Variants in SH2D3A observed in about 807,000 individuals in gnomAD.
The protein encoded by SH2D3A is SH2 domain containing 3A.
SH2D3A carries 46 observed loss-of-function variants against 50.6 expected under a neutral mutation model. That is an observed-to-expected ratio of 0.91 (90% CI 0.72 to 1.16). SH2D3A has a LOEUF of 1.16. Ranked by LOEUF, SH2D3A falls within the 50% of genes most tolerant of loss-of-function variation. The pLI is 0.00. For missense variants in SH2D3A, 783 were observed against 786.2 expected (o/e 1.00, Z 0.05); for synonymous variants, 377 against 348.4 (o/e 1.08, Z -0.91).
chr19:6,760,322 GC>G, intron 3 of SH2D3A, among the ~76,000 whole-genome samples: 1 of 152,328 alleles, frequency 6.6e-6, no homozygotes, highest in African/African-American at 2.4e-5. Context: ...GTTGCAGTGG[GC>G]TGAGATCGTG....
rs1470011605 is a variant in SH2D3A at position 6,755,161 on chromosome 19, G to C, written c.651C>G (p.Pro217=). The change falls in exon 5 of 10, where the codon CCC becomes CCG. Residue 217 remains proline, a synonymous_variant. Transcript: ENST00000245908. ...AKAPTKPPRT[P]SFELPDASER... ...CAGAGGCATCAGGCAGTTCGAAGGA[G>C]GGTGTCCGGGGGGGCTTCGTTGGTG... is the stretch of plus-strand genomic sequence containing the variant. The C allele has an allele frequency of 6.2e-7, 1 of 1,605,424 alleles. No individual in the cohort carries two copies. The highest frequency in any genetic ancestry group is 1.3e-5 in the African/African-American group (1 of 74,624).
chr19:6,756,260 A>G lies in SH2D3A; in HGVS notation c.497-945T>C, dbSNP rs1281543564. 2.0e-5 allele frequency among the ~76,000 whole-genome samples: 3 copies of G among 148,534 alleles called. No individual in the cohort carries two copies. The East Asian group carries it at 5.8e-4, about 29-fold the overall frequency. On this transcript the variant is annotated intron_variant, in intron 4 of 9. Coordinates refer to ENST00000245908, the MANE Select transcript of SH2D3A (RefSeq NM_005490.3). ...CTACATATAATTACATTTATATATG[A>G]TAGATATTTTACTTTTTTTGTGATA...
At chr19:6,753,983 G>A (rs1318568263) in intron 8 of SH2D3A, 69 bp downstream of exon 8, 1 of 1,488,408 alleles carries the variant, frequency 6.7e-7, no homozygotes, top group African/African-American at 1.4e-5. Flanking sequence ...CTGGGCATAG[G>A]ACTAGATTGA....
At position 6,752,322 on chromosome 19, in the gene SH2D3A, T is replaced by C. The variant is rs140193062; in HGVS notation, c.*271A>G. On this transcript the variant is annotated 3_prime_UTR_variant, in exon 10 of 10. Coordinates refer to ENST00000245908, the MANE Select transcript of SH2D3A (RefSeq NM_005490.3). ...CTGAGCTGCTGTATGGCTATGATTT[T>C]GTTAAAGGCCGACACAGAGGTGAAG... 536 of 353,636 alleles carry C rather than the reference T, an allele frequency of 1.5e-3. 1 individual carries two copies. The highest frequency in any genetic ancestry group is 0.01 in the African/African-American group (494 of 47,804). 21.9% of individuals were successfully genotyped at this position (353,636 alleles called of 1,614,324 possible). A position where few individuals can be genotyped will look rare whatever the true frequency, so the allele number is the denominator to read the frequency against.
rs200324406 is a variant in SH2D3A at position 6,763,768 on chromosome 19, G to A, written c.-20C>T. The stretch of plus-strand genomic sequence containing the variant: ...CTGCATGGAGCTCTTGGGAACAGAG[G>A]GTGCCAGGGCTGAGCTCTGCACTTT... On this transcript the variant is annotated 5_prime_UTR_variant, in exon 2 of 10. Coordinates refer to ENST00000245908, the MANE Select transcript of SH2D3A (RefSeq NM_005490.3). 8 of 1,610,414 alleles carry A rather than the reference G, an allele frequency of 5.0e-6. No homozygotes were observed. The highest frequency in any genetic ancestry group is 1.7e-4 in the Middle Eastern group (1 of 6,008).
At chr19:6,767,045 CAGG>C (rs1451570263) in intron 1 of SH2D3A, among the ~76,000 whole-genome samples, 3 of 152,114 alleles carry the variant, frequency 2.0e-5, no homozygotes, top group South Asian at 2.1e-4. Context: ...TTGGAGAGAT[CAGG>C]AGGAGAGACT....
chr19:6,763,800 G>T lies in SH2D3A; in HGVS notation c.-52C>A. On this transcript the variant is annotated 5_prime_UTR_variant, in exon 2 of 10. Transcript: ENST00000245908. ...GGGCTGAGCTCTGCACTTTCAACAG[G>T]CCTCAGTCTTCCACATCTGTAAAAG... 6.7e-7 allele frequency: 1 copy of T among 1,486,092 alleles called. No individual in the cohort carries two copies. The highest frequency in any genetic ancestry group is 9.3e-7 in the Non-Finnish European group (1 of 1,072,774). The allele number at this position is 1,486,092 out of a possible 1,614,324, so 92.1% of individuals were successfully genotyped here. A position where few individuals can be genotyped will look rare whatever the true frequency, so the allele number is the denominator to read the frequency against.
intron 4 of SH2D3A, chr19:6,757,245 T>C (rs1568265513): frequency 6.7e-6 from 1 of 148,986 alleles, no homozygotes; most frequent in Non-Finnish European, 1.5e-5. Flanking sequence ...ATTCTGCACG[T>C]GTATCTTTTT....
chr19:6,760,082 T>TA (rs1969920966), intron 3 of SH2D3A, among the ~76,000 whole-genome samples: 1 of 149,800 alleles, frequency 6.7e-6, no homozygotes, highest in Non-Finnish European at 1.5e-5. Flanking sequence ...CTACTAAAAA[T>TA]ACAAAAAATT....
Position 6,754,383 on chromosome 19 carries a change from G to A in SH2D3A, c.1140C>T (p.Gly380=). Residue 380 remains glycine (G), a synonymous_variant, in exon 7 of 10, where the codon GGC becomes GGT. Coordinates refer to ENST00000245908, the MANE Select transcript of SH2D3A (RefSeq NM_005490.3). Reference sequence around the variant, plus strand: ...CGCGCTCCTCCAGCGGCCCCGAGCAGCCCAGCACCGCCAGCGCCCCGGCCA... The same window carrying A: ...CGCGCTCCTCCAGCGGCCCCGAGCAACCCAGCACCGCCAGCGCCCCGGCCA... ...LALAGALAVL[G]CSGPLEERAA... is the part of the protein sequence containing the mutation. The A allele has an allele frequency of 5.9e-6, 9 of 1,537,578 alleles. No individual in the cohort carries two copies. The highest frequency in any genetic ancestry group is 7.8e-6 in the Non-Finnish European group (9 of 1,152,954).
chr19:6,754,270 C>T lies in SH2D3A; in HGVS notation c.1253G>A (p.Gly418Asp). 1 of 1,594,500 alleles carries T rather than the reference C, an allele frequency of 6.3e-7. No individual in the cohort carries two copies. Among genetic ancestry groups the T allele is most frequent in the Non-Finnish European group, 8.5e-7 (1 of 1,176,264 alleles). The change falls in exon 7 of 10, where the codon GGC becomes GAC. Residue 418 changes from glycine to aspartate, a missense_variant. By Grantham distance (94) the Gly-to-Asp change is moderately conservative (BLOSUM62 -1). Coordinates refer to ENST00000245908, the MANE Select transcript of SH2D3A (RefSeq NM_005490.3). ...GDLPGLAAVMGALLMPQVSRL... is the reference protein window; with the variant it reads ...GDLPGLAAVMDALLMPQVSRL... Reference sequence around the variant, plus strand: ...ACGAACCTGGGGCATGAGCAGGGCGCCCATGACTGCAGCCAGCCCGGGCAG... The same window carrying T: ...ACGAACCTGGGGCATGAGCAGGGCGTCCATGACTGCAGCCAGCCCGGGCAG...
intron 1 of SH2D3A, among the ~76,000 whole-genome samples, chr19:6,764,832 A>C (rs1167625870): frequency 6.7e-6 from 1 of 148,264 alleles, no homozygotes; most frequent in Non-Finnish European, 1.5e-5. Flanking sequence ...CATCCTTCTG[A>C]GTAGCTGGGA....
rs1428190937 is a variant in SH2D3A at position 6,760,725 on chromosome 19, G to A, written c.332C>T (p.Ser111Phe). ...AGGCCCCTGCCAAGTCACAGGCCTG[G>A]AGACCACAGCCCCTGTGGCCTGGGA... ...PLSQATGAVV[S>F]RPVTWQGPLR... The change falls in exon 3 of 10, where the codon TCC becomes TTC. Residue 111 changes from serine (S) to phenylalanine (F), a missense_variant. By Grantham distance (155) the Ser-to-Phe change is radical. Transcript: ENST00000245908. 1 of 1,614,090 alleles carries A rather than the reference G, an allele frequency of 6.2e-7. No individual in the cohort carries two copies. Among genetic ancestry groups the A allele is most frequent in the African/African-American group, 1.3e-5 (1 of 74,942 alleles).
At position 6,754,673 on chromosome 19, in the gene SH2D3A, C is replaced by T; in HGVS notation, c.1040G>A (p.Gly347Asp). 1 of 1,614,180 alleles carries T rather than the reference C, an allele frequency of 6.2e-7. No homozygotes were observed. Among genetic ancestry groups the T allele is most frequent in the Non-Finnish European group, 8.5e-7 (1 of 1,180,020 alleles). The change falls in exon 6 of 10, where the codon GGC becomes GAC. Residue 347 changes from glycine (G) to aspartate (D), a missense_variant. Gly to Asp is a moderately conservative substitution (Grantham distance 94). Transcript: ENST00000245908. ...DQRGNMGVSSGLELLTLPHGH... is the reference protein window; with the variant it reads ...DQRGNMGVSSDLELLTLPHGH... ...ATGGGGAAGAGTGAGCAGCTCCAGG[C>T]CAGATGAGACTCCCATGTTGCCCCG...
intron 2 of SH2D3A, among the ~76,000 whole-genome samples, chr19:6,761,732 G>A (rs1301297865): frequency 1.3e-5 from 2 of 152,148 alleles, no homozygotes; most frequent in Non-Finnish European, 2.9e-5. Context: ...CAGATCACTT[G>A]AGATCAGGAG....
At chr19:6,752,936 A>T (rs1969402855) in intron 9 of SH2D3A, 183 bp from the exon 10 acceptor site, 2 of 983,770 alleles carry the variant, frequency 2.0e-6, no homozygotes, top group South Asian at 9.4e-5. Flanking sequence ...CTCTGCAGGA[A>T]TGGGGGTGGG....
chr19:6,759,544 G>A (rs763425839), intron 4 of SH2D3A, 50 bp downstream of exon 4: 1 of 1,545,748 alleles, frequency 6.5e-7, no homozygotes, highest in East Asian at 2.3e-5. Context: ...CTTAGGTGGT[G>A]AGTGGCAGAG....
rs2145574396 is a variant in SH2D3A, at chr19:6,754,131, G to A, written c.1305C>T (p.Leu435=). The A allele has an allele frequency of 6.2e-7, 1 of 1,613,472 alleles. No homozygotes were observed. Among genetic ancestry groups the A allele is most frequent in the Non-Finnish European group, 8.5e-7 (1 of 1,179,784 alleles). The change falls in exon 8 of 10, where the codon CTC becomes CTT. Residue 435 remains leucine, a synonymous_variant. Coordinates refer to ENST00000245908, the MANE Select transcript of SH2D3A (RefSeq NM_005490.3). ...GCGCAGCCTCCGTGTGGCTCCTTCGGAGCTGGCGCCACGTGTGCTCCAACC... is the reference window on the plus strand; with the variant it reads ...GCGCAGCCTCCGTGTGGCTCCTTCGAAGCTGGCGCCACGTGTGCTCCAACC... ...VSRLEHTWRQ[L]RRSHTEAALA... is the part of the protein sequence containing the mutation.
In SH2D3A at chr19:6,753,445, G is replaced by T; in HGVS notation, c.1570+11C>A. 1 of 1,493,264 alleles carries T rather than the reference G, an allele frequency of 6.7e-7. No individual in the cohort carries two copies. The highest frequency in any genetic ancestry group is 2.5e-5 in the East Asian group (1 of 39,748). The allele number at this position is 1,493,264 out of a possible 1,614,324, so 92.5% of individuals were successfully genotyped here. On this transcript the variant is annotated intron_variant, in intron 9 of 9. Coordinates refer to ENST00000245908, the MANE Select transcript of SH2D3A (RefSeq NM_005490.3). Reference sequence around the variant, plus strand: ...CTGAAGTCTGCAGTCCAGCGCAGAGGGAACGCTCACCTCGCAGGCGCTGGG... The same window carrying T: ...CTGAAGTCTGCAGTCCAGCGCAGAGTGAACGCTCACCTCGCAGGCGCTGGG...
Sources: gnomAD v4.1 joint callset for allele counts (sites outside exome capture counted in the v4.1 genomes callset) on GRCh38, gnomAD v4.1.1 for gene constraint, MANE v1.5 for transcripts, NCBI Gene and HGNC (gene_info 2026-07-23, HGNC 2026-07-21) for gene names.